The following MYO1E variants were observed in gnomAD, a reference collection of about 807,000 sequenced individuals.
MYO1E encodes the protein unconventional myosin-Ie.
Under a neutral mutation model 151.1 loss-of-function variants are expected in MYO1E, and 68 were observed. The ratio of observed to expected loss-of-function variants is 0.45; its 90% confidence interval spans 0.37 to 0.55. The LOEUF is 0.55. Among genes scored for constraint, MYO1E ranks in the 20% least tolerant of loss-of-function variants. MYO1E has a pLI of 0.00. For synonymous variants in MYO1E, 601 were observed against 501.7 expected, an observed-to-expected ratio of 1.20 and a Z score of -2.64; for missense variants, 1,363 against 1,389.3, an observed-to-expected ratio of 0.98 and a Z score of 0.30.
chr15:59,236,363 A>AAAATATATAT (rs1387709265), intron 5 of MYO1E, among the ~76,000 whole-genome samples: 1 of 60,816 alleles, frequency 1.6e-5, no homozygotes, highest in African/African-American at 4.7e-5. Flanking sequence ...AAAAAAAAAA[A>AAAATATATAT]ATATATACAC....
intron 5 of MYO1E, among the ~76,000 whole-genome samples, chr15:59,235,726 G>A (rs1651243774): frequency 6.6e-6 from 1 of 152,162 alleles, no homozygotes; most frequent in African/African-American, 2.4e-5. Flanking sequence ...GCATACATGT[G>A]TAAGTTTAAC....
chr15:59,278,189 A>G (rs1328250330), intron 1 of MYO1E, among the ~76,000 whole-genome samples: 3 of 152,216 alleles, frequency 2.0e-5, no homozygotes, highest in African/African-American at 7.2e-5. Flanking sequence ...ATCATGTCTG[A>G]GCCATTTAGT....
At position 59,249,874 on chromosome 15, in the gene MYO1E, A is replaced by G. The variant is rs1318958793; in HGVS notation, c.332+6410T>C. 5.3e-5 allele frequency among the ~76,000 whole-genome samples: 8 copies of G among 152,138 alleles called. No homozygotes were observed. In the East Asian group the frequency reaches 1.5e-3, roughly 29 times the overall value. On this transcript the variant is annotated intron_variant, in intron 4 of 27. Transcript: ENST00000288235. ...GCCCCATCCAGTGTCAGGGGCTACA[A>G]ACTTGGCCTTTCCACCCAGAACAGG...
At chr15:59,233,661 T>TAAAA (rs11285934) in intron 5 of MYO1E, among the ~76,000 whole-genome samples, 972 of 78,144 alleles carry the variant, frequency 0.012, 42 homozygotes, top group South Asian at 0.02. Flanking sequence ...AGACTCCGTC[T>TAAAA]AAAAAAAAAA....
intron 26 of MYO1E, among the ~76,000 whole-genome samples, chr15:59,145,691 C>G (rs2079437265): frequency 6.6e-6 from 1 of 152,208 alleles, no homozygotes; most frequent in African/African-American, 2.4e-5. Context: ...TGTGCCCAGC[C>G]TACTTATTTT....
At chr15:59,237,923 G>A (rs940953548) in intron 4 of MYO1E, among the ~76,000 whole-genome samples, 3 of 152,210 alleles carry the variant, frequency 2.0e-5, no homozygotes, top group South Asian at 4.1e-4. Flanking sequence ...CTAATAATAC[G>A]GTTTTAAAGA....
rs765146471 is a variant in MYO1E, at chr15:59,202,385, G to A, written c.1639C>T (p.Pro547Ser). The A allele has an allele frequency of 6.8e-6, 11 of 1,613,920 alleles. No homozygotes were observed. The highest frequency in any genetic ancestry group is 9.3e-6 in the Non-Finnish European group (11 of 1,179,944). ...TTCTTGTCAGCCTGCAGATTTTCCG[G>A]AAATAAAGACTTTATGAAAGGCCTG... ...SELPFIKSLF[P>S]ENLQADKKGR... Residue 547 changes from proline to serine, a missense_variant, in exon 16 of 28, where the codon CCG becomes TCG. Coordinates refer to ENST00000288235, the MANE Select transcript of MYO1E (RefSeq NM_004998.4).
intron 18 of MYO1E, among the ~76,000 whole-genome samples, chr15:59,184,933 C>T (rs2079686497): frequency 1.3e-5 from 2 of 152,204 alleles, no homozygotes; most frequent in African/African-American, 4.8e-5. Context: ...CCTTTCTCCA[C>T]ATTCTCGCCA....
At chr15:59,170,796 T>C (rs371091304) in intron 22 of MYO1E, among the ~76,000 whole-genome samples, 1 of 151,908 alleles carries the variant, frequency 6.6e-6, no homozygotes, top group East Asian at 1.9e-4. Context: ...CAAGAATGGA[T>C]GCAACTAGAA....
intron 1 of MYO1E, among the ~76,000 whole-genome samples, chr15:59,278,411 C>G (rs934296551): frequency 7.2e-5 from 11 of 152,122 alleles, no homozygotes; most frequent in African/African-American, 2.7e-4. Flanking sequence ...AGGAAAGGGA[C>G]TACCTATTTT....
intron 26 of MYO1E, among the ~76,000 whole-genome samples, chr15:59,152,273 G>C (rs1253192352): frequency 6.6e-6 from 1 of 152,164 alleles, no homozygotes; most frequent in African/African-American, 2.4e-5. Flanking sequence ...ATGGATGGCT[G>C]CCCCCTCAGA....
At chr15:59,157,238 A>T (rs1488884868) in intron 25 of MYO1E, among the ~76,000 whole-genome samples, 1 of 152,126 alleles carries the variant, frequency 6.6e-6, no homozygotes, top group East Asian at 1.9e-4. Flanking sequence ...GAAGAGATAA[A>T]TATGAAATAT....
rs139599824 is a variant in MYO1E, at chr15:59,313,749, C to T, written c.4-41300G>A. On this transcript the variant is annotated intron_variant, in intron 1 of 27. Transcript: ENST00000288235. ...ACTCTGTGTCTGGCCAATGCATTCA[C>T]GAAGAGAAAAATAGAAGGAATCAAA... Among the ~76,000 whole-genome samples, 203 of 152,030 alleles carry T rather than the reference C, an allele frequency of 1.3e-3. 1 individual carries two copies. Among genetic ancestry groups the T allele is most frequent in the Middle Eastern group, 6.8e-3 (2 of 294 alleles).
intron 1 of MYO1E, among the ~76,000 whole-genome samples, chr15:59,324,949 GAA>G (rs11306933): frequency 1.9e-3 from 254 of 133,978 alleles, no homozygotes; most frequent in Middle Eastern, 3.9e-3. Flanking sequence ...AGGCTTTTTA[GAA>G]AAAAAAAAAA....
rs141312501 is a variant in MYO1E at position 59,296,879 on chromosome 15, G to A, written c.4-24430C>T. Among the ~76,000 whole-genome samples, 593 of 131,798 alleles carry A rather than the reference G, an allele frequency of 4.5e-3. 4 individuals are homozygous for A. The highest frequency in any genetic ancestry group is 0.016 in the African/African-American group (540 of 34,394). 86.5% of individuals were successfully genotyped at this position (131,798 alleles called of 152,430 possible). A position where few individuals can be genotyped will look rare whatever the true frequency, so the allele number is the denominator to read the frequency against. On this transcript the variant is annotated intron_variant, in intron 1 of 27. Coordinates refer to ENST00000288235, the MANE Select transcript of MYO1E (RefSeq NM_004998.4). ...TTTTGAGATGGAATCTCGCTCTGTC[G>A]CCCAGGCTGAAGTGCAGTGGCATGA...
At position 59,202,417 on chromosome 15, in the gene MYO1E, G is replaced by A. The variant is rs779352804; in HGVS notation, c.1617-10C>T. 2 of 1,611,666 alleles carry A rather than the reference G, an allele frequency of 1.2e-6. No homozygotes were observed. The highest frequency in any genetic ancestry group is 1.7e-6 in the Non-Finnish European group (2 of 1,177,844). The stretch of plus-strand genomic sequence containing the variant: ...AGACTTTATGAAAGGCCTGGAAAAG[G>A]AGAAAGAGAATGAATTAACAATCTG... On this transcript the variant is annotated splice_polypyrimidine_tract_variant and intron_variant, in intron 15 of 27. Transcript: ENST00000288235.
rs899799389 is a variant in MYO1E at position 59,323,720 on chromosome 15, G to T, written c.3+48778C>A. On this transcript the variant is annotated intron_variant, in intron 1 of 27. Transcript: ENST00000288235. Reference sequence around the variant, plus strand: ...GGCTGTGTGCATTTGTCTGATGACTGCACTGATGTTGCTGTGTGCTACAGG... The same window carrying T: ...GGCTGTGTGCATTTGTCTGATGACTTCACTGATGTTGCTGTGTGCTACAGG... Among the ~76,000 whole-genome samples, 3 of 152,224 alleles carry T rather than the reference G, an allele frequency of 2.0e-5. No homozygotes were observed. The East Asian group carries it at 5.8e-4, about 29-fold the overall frequency.
intron 14 of MYO1E, 24 bp from the exon 15 acceptor site, chr15:59,205,509 G>GAATTTCATTGAGCAAAATGT (rs1555410846): frequency 2.4e-5 from 36 of 1,530,976 alleles, no homozygotes; most frequent in Admixed American, 6.7e-5. Flanking sequence ...GAAAGAAATC[G>GAATTTCATTGAGCAAAATGT]AATTTCATTG....
intron 10 of MYO1E, among the ~76,000 whole-genome samples, chr15:59,217,519 CTTTTTTTTTTT>C (rs1164320277): frequency 1.9e-5 from 1 of 53,156 alleles, no homozygotes; most frequent in Admixed American, 3.5e-4. Context: ...GTCGTTTTAC[CTTTTTTTTTTT>C]TTTTTTTTTT....
Sources: gnomAD v4.1 joint callset for allele counts (sites outside exome capture counted in the v4.1 genomes callset) on GRCh38, gnomAD v4.1.1 for gene constraint, MANE v1.5 for transcripts, NCBI Gene and HGNC (gene_info 2026-07-23, HGNC 2026-07-21) for gene names.